The following TYW1B variants were observed in gnomAD, a reference collection of about 807,000 sequenced individuals.
TYW1B encodes S-adenosyl-L-methionine-dependent tRNA 4-demethylwyosine synthase TYW1B.
TYW1B carries 73 observed loss-of-function variants against 86.9 expected under a neutral mutation model. The ratio of observed to expected loss-of-function variants is 0.84; its 90% confidence interval spans 0.70 to 1.02. The LOEUF (loss-of-function observed/expected upper bound fraction) is 1.02, where lower values mean the gene tolerates loss of function less well. Ranked by LOEUF, TYW1B falls within the 50% of genes least tolerant of loss-of-function variation. TYW1B has a pLI of 0.00. For missense variants in TYW1B, 637 were observed against 827.4 expected (o/e 0.77, Z 2.82); for synonymous variants, 248 against 292.8 (o/e 0.85, Z 1.56).
intron 10 of TYW1B, among the ~76,000 whole-genome samples, chr7:72,701,054 A>G (rs1216823708): frequency 9.9e-5 from 15 of 151,732 alleles, no homozygotes; most frequent in Non-Finnish European, 1.9e-4. Flanking sequence ...ACAGAGCAAG[A>G]TTCCATCTCA....
rs145935571 is a variant in TYW1B, at chr7:72,733,159, AAC to A, written c.1083-4230_1083-4229del. Reference sequence around the variant, plus strand: ...CCCTGGTAAATTCCACCAAACCTAAAACACACACACACACACACACACACACA... The same window carrying A: ...CCCTGGTAAATTCCACCAAACCTAAAACACACACACACACACACACACACA... On this transcript the variant is annotated intron_variant, in intron 8 of 13. Coordinates refer to ENST00000620995, the MANE Select transcript of TYW1B (RefSeq NM_001145440.3). 8.9e-3 allele frequency among the ~76,000 whole-genome samples: 1,303 copies of A among 147,180 alleles called. 24 individuals carry two copies. The highest frequency in any genetic ancestry group is 0.03 in the African/African-American group (1,188 of 39,990).
At chr7:72,785,594 G>C (rs1477846281) in intron 6 of TYW1B, among the ~76,000 whole-genome samples, 3 of 151,894 alleles carry the variant, frequency 2.0e-5, no homozygotes, top group African/African-American at 7.3e-5. Flanking sequence ...AAGCACAGAG[G>C]GGTAAAATAA....
chr7:72,576,982 C>A (rs1336610511), intron 13 of TYW1B, among the ~76,000 whole-genome samples: 1 of 151,924 alleles, frequency 6.6e-6, no homozygotes, highest in Non-Finnish European at 1.5e-5. Context: ...CAAAAATTAG[C>A]CAGGCGTGGT....
intron 10 of TYW1B, among the ~76,000 whole-genome samples, chr7:72,705,819 T>A (rs1814595694): frequency 6.6e-6 from 1 of 152,132 alleles, no homozygotes; most frequent in African/African-American, 2.4e-5. Flanking sequence ...GGAAACATCC[T>A]CCTCAACAAC....
intron 7 of TYW1B, among the ~76,000 whole-genome samples, chr7:72,777,000 T>C (rs1352972627): frequency 6.6e-6 from 1 of 152,104 alleles, no homozygotes; most frequent in African/African-American, 2.4e-5. Context: ...TTTACTACTC[T>C]TTCCTCCACA....
Position 72,810,846 on chromosome 7 carries a change from A to G in TYW1B, c.238-181T>C, listed in dbSNP as rs188630408. ...ACAGCAAGAACAGCTTGCACGGGGG[A>G]GAAAACCCAGTCCCTTGCTCCTGCC... is the stretch of plus-strand genomic sequence containing the variant. On this transcript the variant is annotated intron_variant, in intron 3 of 13. Coordinates refer to ENST00000620995, the MANE Select transcript of TYW1B (RefSeq NM_001145440.3). Among the ~76,000 whole-genome samples the G allele has an allele frequency of 7.9e-3, 1,205 of 152,120 alleles. 15 individuals are homozygous for G. The highest frequency in any genetic ancestry group is 0.014 in the Non-Finnish European group (919 of 67,960).
intron 7 of TYW1B, among the ~76,000 whole-genome samples, chr7:72,768,580 G>A (rs1265760194): frequency 5.5e-4 from 84 of 152,196 alleles, no homozygotes; most frequent in African/African-American, 2.0e-3. Flanking sequence ...GAGGTCAGGA[G>A]ATCGAGACCA....
At chr7:72,750,160 C>G (rs1374404237) in intron 7 of TYW1B, among the ~76,000 whole-genome samples, 1 of 152,042 alleles carries the variant, frequency 6.6e-6, no homozygotes, top group Non-Finnish European at 1.5e-5. Flanking sequence ...CTCAGCCTCC[C>G]AAAGTGCTGG....
At chr7:72,823,404 G>A (rs1354895497) in intron 2 of TYW1B, among the ~76,000 whole-genome samples, 4 of 152,014 alleles carry the variant, frequency 2.6e-5, no homozygotes, top group East Asian at 2.0e-4. Context: ...GGCAGATCAC[G>A]AGGTCAGGAG....
intron 6 of TYW1B, among the ~76,000 whole-genome samples, chr7:72,780,711 T>A: frequency 6.6e-6 from 1 of 152,144 alleles, no homozygotes; most frequent in Non-Finnish European, 1.5e-5. Context: ...TGATTAAAGG[T>A]CTTGAGCACT....
At chr7:72,649,302 G>T (rs1813006155) in intron 11 of TYW1B, among the ~76,000 whole-genome samples, 1 of 152,104 alleles carries the variant, frequency 6.6e-6, no homozygotes, top group Non-Finnish European at 1.5e-5. Flanking sequence ...AATCCTAAGG[G>T]CTACTCTATA....
chr7:72,766,020 C>A (rs1787762932), intron 7 of TYW1B, among the ~76,000 whole-genome samples: 1 of 152,148 alleles, frequency 6.6e-6, no homozygotes, highest in Non-Finnish European at 1.5e-5. Flanking sequence ...CAATCAACAG[C>A]CTCTGCTGGT....
At chr7:72,616,590 G>A (rs1345261380) in intron 13 of TYW1B, 82 bp downstream of exon 13, 17 of 1,606,760 alleles carry the variant, frequency 1.1e-5, no homozygotes, top group African/African-American at 2.7e-5. Flanking sequence ...CTATAACAAC[G>A]TAAGAGGAAA....
intron 13 of TYW1B, among the ~76,000 whole-genome samples, chr7:72,601,087 G>C (rs1811653963): frequency 6.6e-6 from 1 of 151,666 alleles, no homozygotes; most frequent in Admixed American, 6.6e-5. Flanking sequence ...AACCCAGTGA[G>C]CTGAGATCTC....
At position 72,706,104 on chromosome 7, in the gene TYW1B, CA is replaced by C. The variant is rs576114720; in HGVS notation, c.1370+7516del. On this transcript the variant is annotated intron_variant, in intron 10 of 13. Coordinates refer to ENST00000620995, the MANE Select transcript of TYW1B (RefSeq NM_001145440.3). Reference sequence around the variant, plus strand: ...AGAGGGAAAAGAATTCTTTGTGTATCAAAATGCGGATTGCATATGAAACACA... The same window carrying C: ...AGAGGGAAAAGAATTCTTTGTGTATCAAATGCGGATTGCATATGAAACACA... 8.5e-5 allele frequency among the ~76,000 whole-genome samples: 13 copies of C among 152,264 alleles called. No homozygotes were observed. In the East Asian group the frequency reaches 1.7e-3, roughly 20 times the overall value.
chr7:72,704,859 G>A (rs1390405296), intron 10 of TYW1B, among the ~76,000 whole-genome samples: 1 of 152,134 alleles, frequency 6.6e-6, no homozygotes, highest in Admixed American at 6.5e-5. Flanking sequence ...TTCTAGCCCA[G>A]AGCCCAAGCT....
chr7:72,713,933 C>T, intron 9 of TYW1B, 135 bp from the exon 10 acceptor site: 1 of 542,338 alleles, frequency 1.8e-6, no homozygotes, highest in Non-Finnish European at 3.3e-6. Flanking sequence ...GGCTAAAGGG[C>T]AGGGCAGGAC....
chr7:72,696,829 A>G (rs1287259695), intron 10 of TYW1B, among the ~76,000 whole-genome samples: 2 of 152,194 alleles, frequency 1.3e-5, no homozygotes, highest in African/African-American at 4.8e-5. Flanking sequence ...GCAGGCTCTC[A>G]TTGCTTTAAT....
In TYW1B at chr7:72,803,601, G is replaced by A. The variant is rs183604781; in HGVS notation, c.724-1079C>T. On this transcript the variant is annotated intron_variant, in intron 5 of 13. Coordinates refer to ENST00000620995, the MANE Select transcript of TYW1B (RefSeq NM_001145440.3). ...AATGAAGGATAAGGCAGAATCAAAC[G>A]TTAGAGAGATTTTTTTGTTTGTTCT... 3.7e-4 allele frequency among the ~76,000 whole-genome samples: 57 copies of A among 152,182 alleles called. No homozygotes were observed. The South Asian group carries it at 9.1e-3, about 24-fold the overall frequency.
Sources: gnomAD v4.1 joint callset for allele counts (sites outside exome capture counted in the v4.1 genomes callset) on GRCh38, gnomAD v4.1.1 for gene constraint, MANE v1.5 for transcripts, NCBI Gene and HGNC (gene_info 2026-07-23, HGNC 2026-07-21) for gene names.